The following PATJ variants were observed in gnomAD, a reference collection of about 807,000 sequenced individuals.
PATJ encodes the protein inaD-like protein.
Under a neutral mutation model 224.9 loss-of-function variants are expected in PATJ, and 190 were observed. That is an observed-to-expected ratio of 0.84 (90% CI 0.75 to 0.95). PATJ has a LOEUF of 0.95. Ranked by LOEUF, PATJ falls within the 40% of genes least tolerant of loss-of-function variation. The pLI is 0.00. For synonymous variants in PATJ, 769 were observed against 820.3 expected (o/e 0.94, Z 1.07); for missense variants, 2,121 against 2,270.3 (o/e 0.93, Z 1.34).
chr1:61,950,371 T>A (rs566786396), intron 27 of PATJ, among the ~76,000 whole-genome samples: 1 of 152,326 alleles, frequency 6.6e-6, no homozygotes, highest in South Asian at 2.1e-4. Context: ...TAGTTACTGA[T>A]GAAACCAGCA....
chr1:61,871,539 G>A (rs1221222395), intron 20 of PATJ, among the ~76,000 whole-genome samples: 834 of 51,492 alleles, frequency 0.016, 23 homozygotes, highest in Non-Finnish European at 0.023. Flanking sequence ...GTGTGTGTGT[G>A]TATATATATA....
intron 7 of PATJ, among the ~76,000 whole-genome samples, chr1:61,778,061 G>A (rs1647035261): frequency 1.3e-5 from 2 of 151,916 alleles, no homozygotes; most frequent in African/African-American, 2.4e-5. Flanking sequence ...TCTATTTTTT[G>A]TAGAGGTGGG....
intron 16 of PATJ, among the ~76,000 whole-genome samples, chr1:61,830,832 C>T (rs897070434): frequency 7.9e-5 from 12 of 152,010 alleles, no homozygotes; most frequent in Non-Finnish European, 1.5e-4. Flanking sequence ...ACCCATATGC[C>T]GAAGATTGAA....
At chr1:61,871,465 A>G (rs113502563) in intron 20 of PATJ, among the ~76,000 whole-genome samples, 1,714 of 119,166 alleles carry the variant, frequency 0.014, 42 homozygotes, top group Non-Finnish European at 0.021. Flanking sequence ...GCGTATATAT[A>G]TGTATATACA....
At chr1:62,028,930 C>T (rs2148460621) in intron 29 of PATJ, among the ~76,000 whole-genome samples, 1 of 150,792 alleles carries the variant, frequency 6.6e-6, no homozygotes, top group East Asian at 1.9e-4. Context: ...CCACTGCACT[C>T]CAGCCTGGGT....
intron 7 of PATJ, among the ~76,000 whole-genome samples, chr1:61,783,423 CTTTTTTTTTTTT>C (rs79615768): frequency 4.2e-5 from 5 of 119,234 alleles, no homozygotes; most frequent in African/African-American, 1.2e-4. Flanking sequence ...CTTTTCTTTT[CTTTTTTTTTTTT>C]TTTTTTAAAT....
intron 27 of PATJ, among the ~76,000 whole-genome samples, chr1:61,977,832 G>A (rs1018228452): frequency 1.3e-5 from 2 of 151,148 alleles, no homozygotes; most frequent in African/African-American, 2.4e-5. Flanking sequence ...ACACTATGAT[G>A]GGGCCTCTGT....
rs12030195 is a variant in PATJ at position 61,925,371 on chromosome 1, C to T, written c.3571-2359C>T. Among the ~76,000 whole-genome samples, 72 of 152,248 alleles carry T rather than the reference C, an allele frequency of 4.7e-4. 1 individual carries two copies. In the East Asian group the frequency reaches 0.013, roughly 28 times the overall value. On this transcript the variant is annotated intron_variant, in intron 26 of 43. Coordinates refer to ENST00000642238, the MANE Select transcript of PATJ (RefSeq NM_001350145.3). ...AGCAGCATAATATAGATTCTCATCC[C>T]AACAAATAACTCTAAATGGTCAGAC...
At chr1:61,790,477 C>A (rs1649564042) in intron 8 of PATJ, among the ~76,000 whole-genome samples, 1 of 146,454 alleles carries the variant, frequency 6.8e-6, no homozygotes, top group Non-Finnish European at 1.5e-5. Context: ...GCTGGGCTCT[C>A]TGCTTAGCTT....
chr1:61,953,040 G>A (rs1396850212), intron 27 of PATJ, among the ~76,000 whole-genome samples: 1 of 152,258 alleles, frequency 6.6e-6, no homozygotes, highest in Non-Finnish European at 1.5e-5. Context: ...CGTTAGGGGT[G>A]GGGGCTCAGC....
At chr1:61,841,070 T>C (rs1010851948) in intron 17 of PATJ, among the ~76,000 whole-genome samples, 1 of 152,146 alleles carries the variant, frequency 6.6e-6, no homozygotes, top group African/African-American at 2.4e-5. Flanking sequence ...GGTAATTAAT[T>C]TATTGGCCTT....
intron 28 of PATJ, among the ~76,000 whole-genome samples, chr1:62,005,970 A>T (rs1646068295): frequency 6.6e-6 from 1 of 152,176 alleles, no homozygotes; most frequent in Admixed American, 6.5e-5. Context: ...CTATTACTTG[A>T]GCTAAACTTT....
chr1:61,856,305 G>T, intron 18 of PATJ, 66 bp downstream of exon 18: 3 of 1,328,788 alleles, frequency 2.3e-6, no homozygotes, highest in Non-Finnish European at 3.2e-6. Context: ...ATGGATTTTG[G>T]AGACACATAT....
intron 29 of PATJ, among the ~76,000 whole-genome samples, chr1:62,033,585 G>A (rs1435366255): frequency 5.3e-5 from 8 of 152,138 alleles, no homozygotes; most frequent in Non-Finnish European, 7.4e-5. Context: ...TATCCAATCT[G>A]CTTGAGGGCA....
chr1:61,977,031 A>G (rs1644173796), intron 27 of PATJ, among the ~76,000 whole-genome samples: 1 of 152,080 alleles, frequency 6.6e-6, no homozygotes. Context: ...ATATTCTTAC[A>G]ATTGGCTTGT....
chr1:61,766,308 C>A lies in PATJ; in HGVS notation c.219C>A (p.Ala73=). The A allele has an allele frequency of 1.2e-6, 2 of 1,610,336 alleles. No homozygotes were observed. The highest frequency in any genetic ancestry group is 1.7e-6 in the Non-Finnish European group (2 of 1,178,390). ...ACCATATACCCTCAGATTGTTCAGC[C>A]AACTTTGATTTTTCTAGGAAAGGTT... ...QLNHIPSDCS[A]NFDFSRKGLL... is the part of the protein sequence containing the mutation. Residue 73 remains alanine (A), a synonymous_variant, in exon 4 of 44, where the codon GCC becomes GCA. Coordinates refer to ENST00000642238, the MANE Select transcript of PATJ (RefSeq NM_001350145.3).
At chr1:61,894,201 C>T (rs12042410) in intron 22 of PATJ, among the ~76,000 whole-genome samples, 5,593 of 151,186 alleles carry the variant, frequency 0.037, 134 homozygotes, top group East Asian at 0.096. Flanking sequence ...TTGCAGTGAG[C>T]GAAGATTGTG....
chr1:61,769,712 G>A (rs535551198), intron 5 of PATJ, among the ~76,000 whole-genome samples: 17 of 152,290 alleles, frequency 1.1e-4, no homozygotes, highest in African/African-American at 4.1e-4. Flanking sequence ...GCCATGATGT[G>A]ATTCCAAGAC....
intron 31 of PATJ, chr1:62,054,363 C>CAAA: frequency 2.5e-5 from 9 of 361,412 alleles, no homozygotes; most frequent in Admixed American, 3.1e-5. Context: ...ACCCTGTGTC[C>CAAA]AAAAAAAAAA....
Sources: allele counts gnomAD v4.1 joint callset (sites outside exome capture counted in the v4.1 genomes callset), GRCh38; gene constraint gnomAD v4.1.1; transcripts MANE v1.5; gene names NCBI Gene and HGNC (gene_info 2026-07-23, HGNC 2026-07-21).